EPHA5: variants seen among roughly 807,000 people sequenced by gnomAD.
The protein encoded by EPHA5 is EPH receptor A5, also known as ephrin type-A receptor 5.
In EPHA5, 60 loss-of-function variants were observed where a neutral mutation model predicts 105.0. The ratio of observed to expected loss-of-function variants is 0.57; its 90% CI spans 0.46 to 0.71. EPHA5 has a LOEUF of 0.71. Among genes scored for constraint, EPHA5 ranks in the 30% least tolerant of loss-of-function variants. The pLI is 0.00. For missense variants in EPHA5, 1,218 were observed against 1,274.7 expected (o/e 0.96, Z 0.68); for synonymous variants, 513 against 449.1 (o/e 1.14, Z -1.80).
intron 5 of EPHA5, among the ~76,000 whole-genome samples, chr4:65,434,440 T>C (rs1283143889): frequency 6.6e-6 from 1 of 152,162 alleles, no homozygotes; most frequent in Non-Finnish European, 1.5e-5. Flanking sequence ...GATATATTTC[T>C]AATATCTTTA....
At chr4:65,487,491 C>T (rs968362958) in intron 5 of EPHA5, among the ~76,000 whole-genome samples, 2 of 152,088 alleles carry the variant, frequency 1.3e-5, no homozygotes, top group Non-Finnish European at 2.9e-5. Context: ...TCCTAACCTC[C>T]CCAATGGCTC....
chr4:65,603,186 T>C (rs1316721149), intron 2 of EPHA5, among the ~76,000 whole-genome samples: 3 of 152,138 alleles, frequency 2.0e-5, no homozygotes, highest in Non-Finnish European at 2.9e-5. Flanking sequence ...AAAATATTAT[T>C]TGGCCAAAGA....
intron 2 of EPHA5, among the ~76,000 whole-genome samples, chr4:65,635,023 A>G (rs1285859075): frequency 6.6e-6 from 1 of 152,134 alleles, no homozygotes; most frequent in Non-Finnish European, 1.5e-5. Context: ...TGAGTACCAG[A>G]ATGGAAAATC....
At chr4:65,600,305 A>G (rs964498062) in intron 3 of EPHA5, among the ~76,000 whole-genome samples, 1 of 152,180 alleles carries the variant, frequency 6.6e-6, no homozygotes, top group African/African-American at 2.4e-5. Context: ...GCATTTTATA[A>G]ACGTAATTTT....
At chr4:65,368,563 T>C (rs1157972533) in intron 8 of EPHA5, among the ~76,000 whole-genome samples, 2 of 152,076 alleles carry the variant, frequency 1.3e-5, no homozygotes, top group Admixed American at 1.3e-4. Context: ...CTCAATTAAG[T>C]CCTTAACATT....
At chr4:65,421,046 G>A (rs1383612360) in intron 5 of EPHA5, among the ~76,000 whole-genome samples, 2 of 151,882 alleles carry the variant, frequency 1.3e-5, no homozygotes, top group Non-Finnish European at 2.9e-5. Context: ...ACATGGGCAG[G>A]TTCCTTAAGA....
At chr4:65,342,542 G>A (rs1721829249) in intron 14 of EPHA5, among the ~76,000 whole-genome samples, 1 of 151,282 alleles carries the variant, frequency 6.6e-6, no homozygotes. Context: ...TAAGGAATAT[G>A]TATACATATG....
chr4:65,483,288 C>A (rs1379955846), intron 5 of EPHA5, among the ~76,000 whole-genome samples: 1 of 152,116 alleles, frequency 6.6e-6, no homozygotes, highest in Non-Finnish European at 1.5e-5. Context: ...GGTTCCAAGT[C>A]TTTGCTATTG....
chr4:65,529,630 AT>A (rs1735573667), intron 3 of EPHA5, among the ~76,000 whole-genome samples: 2 of 152,286 alleles, frequency 1.3e-5, no homozygotes, highest in African/African-American at 4.8e-5. Flanking sequence ...TACATAATAA[AT>A]CTACACAATT....
chr4:65,592,144 T>A (rs1211504170), intron 3 of EPHA5, among the ~76,000 whole-genome samples: 2 of 152,248 alleles, frequency 1.3e-5, no homozygotes, highest in Middle Eastern at 3.4e-3. Flanking sequence ...AACCTGAAAA[T>A]GCTTCAGGTA....
At chr4:65,358,313 A>G (rs1295276223) in intron 11 of EPHA5, among the ~76,000 whole-genome samples, 1 of 151,568 alleles carries the variant, frequency 6.6e-6, no homozygotes. Context: ...TAGAAGCCTC[A>G]TAATTCACTG....
intron 3 of EPHA5, among the ~76,000 whole-genome samples, chr4:65,519,514 G>T (rs1483521617): frequency 6.6e-6 from 1 of 152,108 alleles, no homozygotes; most frequent in East Asian, 1.9e-4. Context: ...CATAGTGTTG[G>T]AAGTTCTGGC....
intron 2 of EPHA5, among the ~76,000 whole-genome samples, chr4:65,615,966 ACAGAAATAC>A (rs1745199316): frequency 6.6e-6 from 1 of 151,926 alleles, no homozygotes; most frequent in Non-Finnish European, 1.5e-5. Context: ...ACTTACGTCC[ACAGAAATAC>A]CTGTACATGA....
intron 3 of EPHA5, among the ~76,000 whole-genome samples, chr4:65,513,306 T>C (rs71612724): frequency 0.043 from 6,513 of 152,324 alleles, 237 homozygotes; most frequent in African/African-American, 0.09. Context: ...ATTGAGTGTT[T>C]AAAGCTGAAA....
chr4:65,329,261 C>G (rs1720372105), intron 16 of EPHA5, among the ~76,000 whole-genome samples: 1 of 151,270 alleles, frequency 6.6e-6, no homozygotes, highest in Non-Finnish European at 1.5e-5. Flanking sequence ...TAGGCACAAA[C>G]AGTAGCAGAC....
At position 65,555,665 on chromosome 4, in the gene EPHA5, A is replaced by G. The variant is rs537652246; in HGVS notation, c.910+45976T>C. 4.0e-5 allele frequency among the ~76,000 whole-genome samples: 6 copies of G among 150,794 alleles called. No homozygotes were observed. In the South Asian group the frequency reaches 1.2e-3, roughly 31 times the overall value. On this transcript the variant is annotated intron_variant, in intron 3 of 16. Transcript: ENST00000613740. ...ACATTTTTCGAAGCTGGGCTACTTCATCAGGCTCTTAAGAGATCACTGGAA... is the reference window on the plus strand; with the variant it reads ...ACATTTTTCGAAGCTGGGCTACTTCGTCAGGCTCTTAAGAGATCACTGGAA...
intron 5 of EPHA5, among the ~76,000 whole-genome samples, chr4:65,445,277 AT>A (rs1006199229): frequency 1.3e-5 from 2 of 152,092 alleles, no homozygotes; most frequent in Non-Finnish European, 2.9e-5. Flanking sequence ...AATAATTTAG[AT>A]TTTCTTTATC....
intron 2 of EPHA5, among the ~76,000 whole-genome samples, chr4:65,639,194 G>A (rs888050181): frequency 6.6e-6 from 1 of 152,184 alleles, no homozygotes; most frequent in African/African-American, 2.4e-5. Context: ...AAATAAAGAT[G>A]CAGTTTTCTC....
chr4:65,642,387 T>C (rs991396700), intron 2 of EPHA5, among the ~76,000 whole-genome samples: 8 of 152,078 alleles, frequency 5.3e-5, no homozygotes, highest in Admixed American at 6.6e-5. Context: ...ATACATGTTA[T>C]CATCTTGAGC....
Sources: gnomAD v4.1 joint callset for allele counts (sites outside exome capture counted in the v4.1 genomes callset) on GRCh38, gnomAD v4.1.1 for gene constraint, MANE v1.5 for transcripts, NCBI Gene and HGNC (gene_info 2026-07-23, HGNC 2026-07-21) for gene names.